SYTL5: variants seen among roughly 807,000 people sequenced by gnomAD.
The protein encoded by SYTL5 is synaptotagmin-like protein 5.
Under a neutral mutation model 55.9 loss-of-function variants are expected in SYTL5, and 34 were observed. The ratio of observed to expected loss-of-function variants is 0.61; its 90% confidence interval spans 0.46 to 0.81. The LOEUF (loss-of-function observed/expected upper bound fraction) is 0.81. Among genes scored for constraint, SYTL5 ranks in the 30% least tolerant of loss-of-function variants. The probability of loss-of-function intolerance (pLI) is 0.00; values close to 1 mark genes in which losing one functional copy is unlikely to be tolerated. For synonymous variants in SYTL5, 221 were observed against 188.7 expected (o/e 1.17, Z -1.40); for missense variants, 637 against 546.7 (o/e 1.17, Z -1.65).
At chrX:38,119,846 G>T (rs1937550259) in intron 13 of SYTL5, among the ~76,000 whole-genome samples, 1 of 112,248 alleles carries the variant, frequency 8.9e-6, no homozygotes, top group African/African-American at 3.2e-5. Context: ...TTGATTATAT[G>T]AATTACCAAC....
intron 7 of SYTL5, among the ~76,000 whole-genome samples, chrX:38,090,793 G>A (rs939484239): frequency 1.8e-5 from 2 of 112,438 alleles, no homozygotes; most frequent in Non-Finnish European, 3.8e-5. Context: ...CTTGTAGCTG[G>A]CCTCCATCTT....
At chrX:38,100,022 G>T (rs1278045580) in intron 9 of SYTL5, among the ~76,000 whole-genome samples, 1 of 111,195 alleles carries the variant, frequency 9.0e-6, no homozygotes, top group African/African-American at 3.2e-5. Flanking sequence ...ATATTGGCCT[G>T]CAATTTTCCC....
the SYTL5 span, among the ~76,000 whole-genome samples, chrX:37,971,516 AAAC>A: frequency 1.6e-3 from 181 of 110,329 alleles, 2 homozygotes; most frequent in African/African-American, 4.4e-3. Flanking sequence ...CCAGTTTGCA[AAAC>A]AACAACAACA....
chrX:38,020,772 T>G (rs1443590979), intron 1 of SYTL5, among the ~76,000 whole-genome samples: 1 of 110,431 alleles, frequency 9.1e-6, no homozygotes, highest in South Asian at 3.9e-4. Context: ...GGTCTAAATT[T>G]TCTGAGCATC....
intron 2 of SYTL5, among the ~76,000 whole-genome samples, chrX:38,040,461 C>T (rs375461623): frequency 1.3e-4 from 14 of 108,732 alleles, no homozygotes; most frequent in East Asian, 5.8e-4. Context: ...CCATCCCCCC[C>T]CCGACCCGAG....
rs765786392 is a variant in SYTL5, at chrX:38,110,379, A to G, written c.1493A>G (p.Tyr498Cys). Residue 498 changes from tyrosine to cysteine, a missense_variant, in exon 13 of 17, where the codon TAT becomes TGT. Transcript: ENST00000297875. ...ACTCTGCAGCTCTCAGTCTGGCACT[A>G]TGATCGATTTGGACGTAATAGCTTC... ...TRTLQLSVWH[Y>C]DRFGRNSFLG... The G allele has an allele frequency of 4.1e-6, 5 of 1,207,341 alleles. No homozygotes were observed. In the East Asian group the frequency reaches 8.9e-5, roughly 21 times the overall value.
chrX:37,897,768 A>C, the SYTL5 span, among the ~76,000 whole-genome samples: 1 of 111,408 alleles, frequency 9.0e-6, no homozygotes, highest in African/African-American at 3.3e-5. Context: ...TATTGTTCAC[A>C]GTTCTGGAGG....
At chrX:38,089,999 A>G (rs1936759523) in intron 7 of SYTL5, among the ~76,000 whole-genome samples, 1 of 112,129 alleles carries the variant, frequency 8.9e-6, no homozygotes, top group Non-Finnish European at 1.9e-5. Flanking sequence ...TGTTTGTATC[A>G]GAGCATGTTC....
the SYTL5 span, among the ~76,000 whole-genome samples, chrX:37,902,548 A>G: frequency 8.9e-6 from 1 of 112,419 alleles, no homozygotes; most frequent in South Asian, 3.7e-4. Flanking sequence ...GAGATTTTTC[A>G]GCCGAGTATG....
chrX:38,073,095 T>C (rs1195704561), intron 4 of SYTL5, among the ~76,000 whole-genome samples: 1 of 111,839 alleles, frequency 8.9e-6, no homozygotes, highest in African/African-American at 3.3e-5. Flanking sequence ...ACAGTTAGAA[T>C]TAGGCAATCA....
chrX:37,996,855 A>G, the SYTL5 span, among the ~76,000 whole-genome samples: 2 of 112,193 alleles, frequency 1.8e-5, no homozygotes, highest in Admixed American at 1.9e-4. Flanking sequence ...GTCTAGAAAG[A>G]GAGGTACTTC....
chrX:37,932,709 T>A, the SYTL5 span, among the ~76,000 whole-genome samples: 50 of 112,122 alleles, frequency 4.5e-4, no homozygotes, highest in African/African-American at 1.5e-3. Flanking sequence ...TTTTATTTTG[T>A]TCACAATTTT....
chrX:38,011,032 G>A lies in SYTL5; in HGVS notation c.-357+4364G>A, dbSNP rs754848617. On this transcript the variant is annotated intron_variant, in intron 1 of 16. Transcript: ENST00000297875. ...AAATCCAAGCAGCCCAGCACCAGAGGCAATTTTCTCAAGCACTGAGTGCTA... is the reference window on the plus strand; with the variant it reads ...AAATCCAAGCAGCCCAGCACCAGAGACAATTTTCTCAAGCACTGAGTGCTA... 2.7e-5 allele frequency among the ~76,000 whole-genome samples: 3 copies of A among 111,546 alleles called. No individual in the cohort carries two copies. The South Asian group carries it at 1.1e-3, about 42-fold the overall frequency.
chrX:38,109,271 C>T (rs909478282), intron 12 of SYTL5, among the ~76,000 whole-genome samples: 6 of 111,949 alleles, frequency 5.4e-5, no homozygotes, highest in African/African-American at 2.0e-4. Context: ...CTTTCCAATG[C>T]GCTTTCACAT....
the SYTL5 span, among the ~76,000 whole-genome samples, chrX:37,939,282 A>G: frequency 1.8e-5 from 2 of 111,489 alleles, no homozygotes; most frequent in African/African-American, 6.5e-5. Flanking sequence ...AAAAAAAGAA[A>G]AAAAAAGAAA....
intron 1 of SYTL5, among the ~76,000 whole-genome samples, chrX:38,012,742 T>C (rs1361530050): frequency 8.9e-6 from 1 of 111,757 alleles, no homozygotes; most frequent in East Asian, 2.8e-4. Context: ...AAAATCAGTA[T>C]ATGATTAAAA....
chrX:38,064,742 A>G, intron 3 of SYTL5, among the ~76,000 whole-genome samples: 1 of 111,235 alleles, frequency 9.0e-6, no homozygotes, highest in Non-Finnish European at 1.9e-5. Context: ...TGGCATATGT[A>G]TTATTTTAAA....
chrX:38,102,287 A>T, intron 9 of SYTL5, 55 bp from the exon 10 acceptor site: 1 of 857,578 alleles, frequency 1.2e-6, no homozygotes, highest in Non-Finnish European at 1.7e-6. Flanking sequence ...CAAGTGAAAA[A>T]ACATTCTAGA....
intron 2 of SYTL5, among the ~76,000 whole-genome samples, chrX:38,048,859 G>A (rs756595161): frequency 2.7e-5 from 3 of 112,017 alleles, no homozygotes; most frequent in Non-Finnish European, 3.8e-5. Flanking sequence ...GTTATTATGT[G>A]GCTAAGTGTT....
Sources: allele counts gnomAD v4.1 joint callset (sites outside exome capture counted in the v4.1 genomes callset), GRCh38; gene constraint gnomAD v4.1.1; transcripts MANE v1.5; gene names NCBI Gene and HGNC (gene_info 2026-07-23, HGNC 2026-07-21).